The following INPP4B variants were observed in gnomAD, a reference collection of about 807,000 sequenced individuals.
INPP4B encodes the protein inositol polyphosphate-4-phosphatase type II B.
Under a neutral mutation model 122.5 loss-of-function variants are expected in INPP4B, and 55 were observed. The observed-to-expected ratio is 0.45, with a 90% CI of 0.36 to 0.56. INPP4B has a LOEUF of 0.56. Ranked by LOEUF, INPP4B falls within the 20% of genes least tolerant of loss-of-function variation. The probability of loss-of-function intolerance (pLI) is 0.00; values close to 1 mark genes in which losing one functional copy is unlikely to be tolerated. For missense variants in INPP4B, 1,000 were observed against 1,097.7 expected (o/e 0.91, Z 1.26); for synonymous variants, 403 against 388.7 (o/e 1.04, Z -0.43).
Position 142,735,937 on chromosome 4 carries a change from A to ACACG in INPP4B, c.-253-10037_-253-10036insCGTG, listed in dbSNP as rs1316279201. On this transcript the variant is annotated intron_variant, in intron 1 of 25. Transcript: ENST00000262992. ...TCTATACATTGCAACACACACACAC[A>ACACG]CACACACACACACACACACACACAC... Among the ~76,000 whole-genome samples the ACACG allele has an allele frequency of 8.0e-5, 12 of 150,688 alleles. 1 individual carries two copies. Among genetic ancestry groups the ACACG allele is most frequent in the African/African-American group, 2.9e-4 (12 of 40,822 alleles).
At chr4:142,245,766 ATGTGTGTATATATATATG>A (rs1250790796) in intron 11 of INPP4B, among the ~76,000 whole-genome samples, 32 of 141,640 alleles carry the variant, frequency 2.3e-4, no homozygotes, top group African/African-American at 9.7e-4. Context: ...ATATATGTAT[ATGTGTGTATATATATATG>A]TGTGTATGTA....
intron 18 of INPP4B, among the ~76,000 whole-genome samples, chr4:142,140,054 G>C (rs944894090): frequency 1.3e-5 from 2 of 152,192 alleles, no homozygotes; most frequent in Admixed American, 6.5e-5. Flanking sequence ...CAGATCCCAG[G>C]AGGAAATGTG....
At chr4:142,152,245 T>C (rs1203635990) in intron 17 of INPP4B, among the ~76,000 whole-genome samples, 1 of 151,534 alleles carries the variant, frequency 6.6e-6, no homozygotes, top group Non-Finnish European at 1.5e-5. Context: ...CGGCTAATTT[T>C]TTTGTATTTT....
At position 142,023,769 on chromosome 4, in the gene INPP4B, ATTT is replaced by A. The variant is rs540432421; in HGVS notation, c.*5010_*5012del. On this transcript the variant is annotated 3_prime_UTR_variant, in exon 26 of 26. Transcript: ENST00000262992. Reference sequence around the variant, plus strand: ...TAAAGAACTGTATTTACTAAAATATATTTTTTTTGGCAAGATGTGATTTATCAG... The same window carrying A: ...TAAAGAACTGTATTTACTAAAATATATTTTTGGCAAGATGTGATTTATCAG... 6.6e-6 allele frequency: 1 copy of A among 151,786 alleles called. No homozygotes were observed. Among genetic ancestry groups the A allele is most frequent in the African/African-American group, 2.4e-5 (1 of 41,352 alleles). 9.4% of individuals were successfully genotyped at this position (151,786 alleles called of 1,614,324 possible). A position where few individuals can be genotyped will look rare whatever the true frequency, so the allele number is the denominator to read the frequency against.
rs570955946 is a variant in INPP4B, at chr4:142,451,889, G to A, written c.-127+10774C>T. Among the ~76,000 whole-genome samples, 7 of 152,296 alleles carry A rather than the reference G, an allele frequency of 4.6e-5. No homozygotes were observed. In the East Asian group the frequency reaches 9.7e-4, roughly 21 times the overall value. ...TTAGGATAAGAGTAATGTATATGAA[G>A]GGAAGGGGGTGCTCTGTCTATCTCT... is the stretch of plus-strand genomic sequence containing the variant. On this transcript the variant is annotated intron_variant, in intron 3 of 25. Coordinates refer to ENST00000262992, the MANE Select transcript of INPP4B (RefSeq NM_001101669.3).
intron 7 of INPP4B, among the ~76,000 whole-genome samples, chr4:142,344,747 GA>G (rs1365306839): frequency 6.6e-6 from 1 of 151,910 alleles, no homozygotes; most frequent in Non-Finnish European, 1.5e-5. Flanking sequence ...AGAGGATCAG[GA>G]AAAATAATGC....
At chr4:142,666,831 T>C (rs1342002265) in intron 2 of INPP4B, among the ~76,000 whole-genome samples, 2 of 152,216 alleles carry the variant, frequency 1.3e-5, no homozygotes, top group Non-Finnish European at 2.9e-5. Context: ...TATTCATTTG[T>C]TCAATAAACA....
intron 2 of INPP4B, among the ~76,000 whole-genome samples, chr4:142,608,222 A>T (rs563932110): frequency 6.6e-6 from 1 of 152,218 alleles, no homozygotes; most frequent in East Asian, 1.9e-4. Context: ...TTCCTTTTGG[A>T]GTTTTCTGGC....
At chr4:142,783,100 A>G (rs1580904809) in intron 1 of INPP4B, among the ~76,000 whole-genome samples, 2 of 152,202 alleles carry the variant, frequency 1.3e-5, no homozygotes, top group East Asian at 1.9e-4. Flanking sequence ...GGACATAGGC[A>G]TGGGCAAGGA....
At position 142,122,159 on chromosome 4, in the gene INPP4B, T is replaced by C; in HGVS notation, c.2104A>G (p.Asn702Asp). The C allele has an allele frequency of 1.9e-6, 3 of 1,611,540 alleles. No individual in the cohort carries two copies. Among genetic ancestry groups the C allele is most frequent in the Non-Finnish European group, 2.5e-6 (3 of 1,178,694 alleles). Residue 702 changes from asparagine to aspartate, a missense_variant, in exon 21 of 26, where the codon AAT (asparagine) becomes GAT (aspartate). Transcript: ENST00000262992. ...VAFKIIEAKSNDVLPVITGRR... is the reference protein window; with the variant it reads ...VAFKIIEAKSDDVLPVITGRR... ...CCTGTTATAACTGGCAACACATCAT[T>C]GGATTTGGCTTCAATTATTTTAAAT...
At chr4:142,096,645 TC>T (rs1370503971) in intron 23 of INPP4B, among the ~76,000 whole-genome samples, 1 of 152,148 alleles carries the variant, frequency 6.6e-6, no homozygotes, top group East Asian at 1.9e-4. Flanking sequence ...ATTCTCTCAA[TC>T]TTTTTAATGC....
chr4:142,327,876 G>C (rs1199176923), intron 7 of INPP4B, among the ~76,000 whole-genome samples: 1 of 152,170 alleles, frequency 6.6e-6, no homozygotes, highest in Non-Finnish European at 1.5e-5. Flanking sequence ...AAGTGGAGGA[G>C]GGAATATTTC....
At chr4:142,737,804 G>T (rs1767204317) in intron 1 of INPP4B, among the ~76,000 whole-genome samples, 1 of 152,174 alleles carries the variant, frequency 6.6e-6, no homozygotes, top group African/African-American at 2.4e-5. Flanking sequence ...CGAAGGATAT[G>T]AACAGACACT....
intron 7 of INPP4B, among the ~76,000 whole-genome samples, chr4:142,361,253 G>A (rs2148541079): frequency 6.6e-6 from 1 of 152,042 alleles, no homozygotes; most frequent in South Asian, 2.1e-4. Context: ...AGATTCCTAA[G>A]TTAGATAAAA....
intron 21 of INPP4B, among the ~76,000 whole-genome samples, chr4:142,117,845 G>T (rs144332732): frequency 3.9e-3 from 593 of 152,282 alleles, no homozygotes; most frequent in Non-Finnish European, 5.8e-3. Flanking sequence ...AAAAGAGGAA[G>T]TCAAATTGTC....
chr4:142,255,003 C>G (rs1321709403), intron 11 of INPP4B, among the ~76,000 whole-genome samples: 2 of 152,172 alleles, frequency 1.3e-5, no homozygotes, highest in Non-Finnish European at 2.9e-5. Context: ...AACAGCGGCT[C>G]TCTCGGCAGA....
intron 2 of INPP4B, among the ~76,000 whole-genome samples, chr4:142,639,816 G>A (rs1483426169): frequency 6.6e-6 from 1 of 152,100 alleles, no homozygotes; most frequent in Non-Finnish European, 1.5e-5. Flanking sequence ...GAAAAAGATT[G>A]ATAAAAAGAG....
At chr4:142,321,989 T>C (rs923517275) in intron 7 of INPP4B, among the ~76,000 whole-genome samples, 1 of 152,190 alleles carries the variant, frequency 6.6e-6, no homozygotes, top group Non-Finnish European at 1.5e-5. Flanking sequence ...AGCAAACATG[T>C]ATCAAGCACA....
At chr4:142,726,693 T>C (rs1765386661) in intron 1 of INPP4B, among the ~76,000 whole-genome samples, 1 of 152,218 alleles carries the variant, frequency 6.6e-6, no homozygotes, top group South Asian at 2.1e-4. Context: ...GTTATTTGGC[T>C]GAATAGAAGA....
Sources: gnomAD v4.1 joint callset for allele counts (sites outside exome capture counted in the v4.1 genomes callset) on GRCh38, gnomAD v4.1.1 for gene constraint, MANE v1.5 for transcripts, NCBI Gene and HGNC (gene_info 2026-07-23, HGNC 2026-07-21) for gene names.